The following LSAMP variants were observed in gnomAD, a reference collection of about 807,000 sequenced individuals.
LSAMP encodes the protein limbic system-associated membrane protein.
LSAMP carries 7 observed loss-of-function variants against 38.6 expected under a neutral mutation model. The observed-to-expected ratio is 0.18, with a 90% CI of 0.10 to 0.34. The LOEUF is 0.34. Ranked by LOEUF, LSAMP falls within the 10% of genes least tolerant of loss-of-function variation. LSAMP has a pLI of 1.00. For missense variants in LSAMP, 313 were observed against 420.0 expected, an observed-to-expected ratio of 0.75 and a Z score of 2.23; for synonymous variants, 154 against 166.8, an observed-to-expected ratio of 0.92 and a Z score of 0.59.
chr3:116,287,748 A>C (rs893028820), intron 1 of LSAMP, among the ~76,000 whole-genome samples: 2 of 152,192 alleles, frequency 1.3e-5, no homozygotes, highest in Non-Finnish European at 2.9e-5. Flanking sequence ...AGCATATCCC[A>C]AAGTCCCACC....
intron 2 of LSAMP, among the ~76,000 whole-genome samples, chr3:116,055,377 A>G (rs1431573246): frequency 2.6e-5 from 4 of 152,224 alleles, no homozygotes; most frequent in African/African-American, 4.8e-5. Context: ...GGTCATTGCC[A>G]TAACAGAAAC....
chr3:116,198,872 G>A (rs1041734733), intron 1 of LSAMP, among the ~76,000 whole-genome samples: 6 of 151,968 alleles, frequency 3.9e-5, no homozygotes, highest in Non-Finnish European at 8.8e-5. Flanking sequence ...GAGCTCCGGA[G>A]TTCAAAACCA....
At chr3:116,209,958 G>A (rs976037580) in intron 1 of LSAMP, among the ~76,000 whole-genome samples, 13 of 152,044 alleles carry the variant, frequency 8.6e-5, no homozygotes, top group Non-Finnish European at 1.6e-4. Flanking sequence ...GTTTCACCAT[G>A]TTAGCCAGGA....
At chr3:116,370,535 C>T (rs960785175) in intron 1 of LSAMP, among the ~76,000 whole-genome samples, 3 of 152,162 alleles carry the variant, frequency 2.0e-5, no homozygotes, top group Non-Finnish European at 4.4e-5. Context: ...ATTCACCCAA[C>T]CCCCAGTGTC....
chr3:116,006,274 C>T (rs531839426), intron 3 of LSAMP, among the ~76,000 whole-genome samples: 99 of 152,162 alleles, frequency 6.5e-4, no homozygotes, highest in African/African-American at 2.3e-3. Flanking sequence ...TCCACACACA[C>T]GCAGAAGTCA....
At chr3:115,952,469 G>A (rs1938322295) in intron 3 of LSAMP, among the ~76,000 whole-genome samples, 1 of 152,144 alleles carries the variant, frequency 6.6e-6, no homozygotes, top group African/African-American at 2.4e-5. Flanking sequence ...ACTCAGGAAT[G>A]GAAAACCAAA....
chr3:115,874,430 G>A (rs987841530), intron 3 of LSAMP, among the ~76,000 whole-genome samples: 10 of 152,022 alleles, frequency 6.6e-5, no homozygotes, highest in African/African-American at 4.8e-5. Context: ...TTGTTCATGC[G>A]GTGATTGTAG....
chr3:116,288,215 C>G (rs1051976480), intron 1 of LSAMP, among the ~76,000 whole-genome samples: 5 of 152,162 alleles, frequency 3.3e-5, no homozygotes, highest in African/African-American at 1.2e-4. Flanking sequence ...CACTCATGCT[C>G]TCTTTGGAGC....
chr3:115,986,482 T>A (rs1382245848), intron 3 of LSAMP, among the ~76,000 whole-genome samples: 34 of 152,102 alleles, frequency 2.2e-4, no homozygotes, highest in Admixed American at 2.2e-3. Context: ...GAAAAACATA[T>A]GCTTTTTGAA....
chr3:116,007,103 G>GA (rs1553758909), intron 3 of LSAMP, among the ~76,000 whole-genome samples: 1 of 150,178 alleles, frequency 6.7e-6, no homozygotes, highest in Non-Finnish European at 1.5e-5. Flanking sequence ...AATTATTGAA[G>GA]TTTTTTTTTT....
chr3:115,950,992 A>T (rs899815854), intron 3 of LSAMP, among the ~76,000 whole-genome samples: 10 of 152,132 alleles, frequency 6.6e-5, no homozygotes, highest in Non-Finnish European at 4.4e-5. Flanking sequence ...GCCAACTGAC[A>T]TTTGACAAAG....
chr3:115,861,696 G>A (rs1412291921), intron 3 of LSAMP, among the ~76,000 whole-genome samples: 2 of 152,120 alleles, frequency 1.3e-5, no homozygotes, highest in Non-Finnish European at 2.9e-5. Context: ...AATTAGGAGG[G>A]GGTACTTATT....
intron 3 of LSAMP, among the ~76,000 whole-genome samples, chr3:116,008,161 TAATA>T (rs1940214316): frequency 6.6e-6 from 1 of 152,234 alleles, no homozygotes; most frequent in Non-Finnish European, 1.5e-5. Context: ...GCTTTTTCAT[TAATA>T]AATCACTTCC....
In LSAMP at chr3:116,286,089, C is replaced by CTAACT. The variant is rs563581040; in HGVS notation, c.155+158783_155+158787dup. ...GTGGTTCACAGTAGTCCTGGACTAA[C>CTAACT]TAACTTTGAAATTCCAGGAGGAGAA... On this transcript the variant is annotated intron_variant, in intron 1 of 6. Transcript: ENST00000490035. Among the ~76,000 whole-genome samples, 9 of 152,292 alleles carry CTAACT rather than the reference C, an allele frequency of 5.9e-5. No homozygotes were observed. In the South Asian group the frequency reaches 1.9e-3, roughly 32 times the overall value.
chr3:116,095,023 A>G (rs1708196187), intron 1 of LSAMP, among the ~76,000 whole-genome samples: 1 of 152,232 alleles, frequency 6.6e-6, no homozygotes, highest in Non-Finnish European at 1.5e-5. Context: ...TATAAGAGAG[A>G]TAACTAAAGG....
chr3:116,067,806 A>G (rs1707496788), intron 2 of LSAMP, among the ~76,000 whole-genome samples: 1 of 152,150 alleles, frequency 6.6e-6, no homozygotes, highest in Non-Finnish European at 1.5e-5. Context: ...TGCATCCCCC[A>G]AAACAAAAGC....
chr3:116,116,796 C>T lies in LSAMP; in HGVS notation c.156-30240G>A, dbSNP rs73858540. Among the ~76,000 whole-genome samples, 299 of 152,046 alleles carry T rather than the reference C, an allele frequency of 2.0e-3. 1 individual carries two copies. Among genetic ancestry groups the T allele is most frequent in the African/African-American group, 6.9e-3 (286 of 41,470 alleles). Reference sequence around the variant, plus strand: ...GGTTCTTGGAAGACTCTCCAGGAGCCACGTCAAAAGTTTGACTACGGTGAG... The same window carrying T: ...GGTTCTTGGAAGACTCTCCAGGAGCTACGTCAAAAGTTTGACTACGGTGAG... On this transcript the variant is annotated intron_variant, in intron 1 of 6. Transcript: ENST00000490035.
chr3:116,004,764 T>C (rs1366074699), intron 3 of LSAMP, among the ~76,000 whole-genome samples: 1 of 152,102 alleles, frequency 6.6e-6, no homozygotes, highest in African/African-American at 2.4e-5. Flanking sequence ...CCTACTGGTA[T>C]CTGGTAGATT....
intron 1 of LSAMP, among the ~76,000 whole-genome samples, chr3:116,348,589 C>T (rs1461132199): frequency 1.3e-5 from 2 of 152,032 alleles, no homozygotes; most frequent in Non-Finnish European, 2.9e-5. Flanking sequence ...CAGAAATTAG[C>T]CTTCATTTCC....
Sources: allele counts gnomAD v4.1 joint callset (sites outside exome capture counted in the v4.1 genomes callset), GRCh38; gene constraint gnomAD v4.1.1; transcripts MANE v1.5; gene names NCBI Gene and HGNC (gene_info 2026-07-23, HGNC 2026-07-21).